The following MYLK4 variants were observed in gnomAD, a reference collection of about 807,000 sequenced individuals.
MYLK4 encodes myosin light chain kinase family member 4, also known as caMLCK like.
A neutral mutation model predicts 48.1 loss-of-function variants in MYLK4; 46 were observed. That is an observed-to-expected ratio of 0.96 (90% CI 0.75 to 1.22). The LOEUF (loss-of-function observed/expected upper bound fraction) is 1.22, where lower values mean the gene tolerates loss of function less well. MYLK4 is among the 50% of genes most tolerant of loss of function. The pLI is 0.00. For missense variants in MYLK4, 451 were observed against 486.1 expected (o/e 0.93, Z 0.68); for synonymous variants, 170 against 180.8 (o/e 0.94, Z 0.48).
rs1371414709 is a variant in MYLK4, at chr6:2,679,382, A to G, written c.785T>C (p.Val262Ala). 2 of 1,614,110 alleles carry G rather than the reference A, an allele frequency of 1.2e-6. No homozygotes were observed. Among genetic ancestry groups the G allele is most frequent in the Admixed American group, 1.7e-5 (1 of 60,022 alleles). Residue 262 changes from valine to alanine, a missense_variant, in exon 9 of 13, where the codon GTG becomes GCG. Coordinates refer to ENST00000274643, the MANE Select transcript of MYLK4 (RefSeq NM_001012418.5). ...GAGAAATTCTGGGGTTCCAAAGTTC[A>G]CCTTCAGCTTCTCTCTGGGTTTGTA... ...RRYKPREKLKVNFGTPEFLAP... is the reference protein window; with the variant it reads ...RRYKPREKLKANFGTPEFLAP...
chr6:2,770,350 C>T, the MYLK4 span: 1 of 1,614,188 alleles, frequency 6.2e-7, no homozygotes, highest in Admixed American at 1.7e-5. Flanking sequence ...ACAGCAGCAA[C>T]AGCAGCTCAG....
chr6:2,767,221 CTT>C, the MYLK4 span, among the ~76,000 whole-genome samples: 17 of 152,038 alleles, frequency 1.1e-4, no homozygotes, highest in African/African-American at 3.6e-4. Flanking sequence ...TGGAAAAACA[CTT>C]GAGAAAAAAA....
chr6:2,750,329 C>G (rs1764251785), intron 1 of MYLK4, among the ~76,000 whole-genome samples: 1 of 152,198 alleles, frequency 6.6e-6, no homozygotes, highest in Non-Finnish European at 1.5e-5. Flanking sequence ...ATTCACTGCT[C>G]TAACAAATTA....
At chr6:2,742,759 C>T (rs11754732) in intron 2 of MYLK4, among the ~76,000 whole-genome samples, 22,585 of 145,762 alleles carry the variant, frequency 0.15, 1,903 homozygotes, top group Middle Eastern at 0.22. Flanking sequence ...AGGAGATATA[C>T]CTAATGCTAA....
chr6:2,707,559 C>T (rs1762537370), intron 2 of MYLK4, among the ~76,000 whole-genome samples: 1 of 152,128 alleles, frequency 6.6e-6, no homozygotes, highest in African/African-American at 2.4e-5. Context: ...ATGAACTTCT[C>T]CTAATAGAGA....
At chr6:2,691,238 G>C (rs979996750) in intron 3 of MYLK4, among the ~76,000 whole-genome samples, 1 of 152,200 alleles carries the variant, frequency 6.6e-6, no homozygotes, top group South Asian at 2.1e-4. Context: ...ATCTGGCAGT[G>C]TTGAAGTTTC....
intron 2 of MYLK4, among the ~76,000 whole-genome samples, chr6:2,743,468 G>A (rs1469614273): frequency 1.3e-5 from 2 of 152,162 alleles, no homozygotes; most frequent in African/African-American, 4.8e-5. Context: ...ATTATCAGGC[G>A]ACAGCTCAAA....
At chr6:2,683,387 C>CTTTTTTT (rs138132269) in intron 6 of MYLK4, among the ~76,000 whole-genome samples, 1 of 86,202 alleles carries the variant, frequency 1.2e-5, no homozygotes, top group Non-Finnish European at 2.6e-5. Context: ...AACTCCCCAC[C>CTTTTTTT]TTTTTGTGTG....
chr6:2,769,249 A>T, the MYLK4 span, among the ~76,000 whole-genome samples: 1 of 152,232 alleles, frequency 6.6e-6, no homozygotes, highest in Non-Finnish European at 1.5e-5. Context: ...TTACTTTAAC[A>T]GTATTTTTAT....
chr6:2,701,646 T>C (rs1762283771), intron 2 of MYLK4, among the ~76,000 whole-genome samples: 1 of 152,148 alleles, frequency 6.6e-6, no homozygotes, highest in Non-Finnish European at 1.5e-5. Flanking sequence ...ACTGCGTAGG[T>C]AAAAAACTAA....
At chr6:2,770,078 G>C in the MYLK4 span, 5 of 1,611,030 alleles carry the variant, frequency 3.1e-6, no homozygotes, top group African/African-American at 5.3e-5. Flanking sequence ...GCAGGTGGCT[G>C]TTGACTGGAA....
chr6:2,697,812 A>G (rs1179961367), intron 2 of MYLK4, among the ~76,000 whole-genome samples: 1 of 152,224 alleles, frequency 6.6e-6, no homozygotes, highest in Non-Finnish European at 1.5e-5. Context: ...CCGCTGGCAT[A>G]CGGACCCTTC....
At chr6:2,757,322 T>C in the MYLK4 span, among the ~76,000 whole-genome samples, 2 of 152,060 alleles carry the variant, frequency 1.3e-5, no homozygotes, top group Non-Finnish European at 2.9e-5. Flanking sequence ...TAAGCACCAG[T>C]TAGTGTATGG....
the MYLK4 span, among the ~76,000 whole-genome samples, chr6:2,763,663 C>A: frequency 6.6e-6 from 1 of 152,264 alleles, no homozygotes; most frequent in Non-Finnish European, 1.5e-5. Context: ...CATACTTCCC[C>A]ACAAGCTGAG....
chr6:2,745,147 C>T (rs114641304), intron 2 of MYLK4, among the ~76,000 whole-genome samples: 2,119 of 152,066 alleles, frequency 0.014, 44 homozygotes, highest in African/African-American at 0.049. Flanking sequence ...CACGCAGGGC[C>T]GAATGGTTGG....
chr6:2,770,044 G>T, the MYLK4 span: 1 of 1,588,100 alleles, frequency 6.3e-7, no homozygotes, highest in Non-Finnish European at 8.6e-7. Flanking sequence ...GGAAGGAAGG[G>T]ATAGCCAACT....
rs575966450 is a variant in MYLK4 at position 2,747,864 on chromosome 6, G to A, written c.159+1272C>T. On this transcript the variant is annotated intron_variant, in intron 2 of 12. Transcript: ENST00000274643. ...TGTTTGTACCACTGAAAACCCTAAT[G>A]AGAAAGTCATGTCTCACTTAATTTT... Among the ~76,000 whole-genome samples, 6 of 152,246 alleles carry A rather than the reference G, an allele frequency of 3.9e-5. No homozygotes were observed. The East Asian group carries it at 1.2e-3, about 29-fold the overall frequency.
At chr6:2,700,228 TG>T (rs1762236463) in intron 2 of MYLK4, among the ~76,000 whole-genome samples, 2 of 152,178 alleles carry the variant, frequency 1.3e-5, no homozygotes, top group Non-Finnish European at 2.9e-5. Context: ...CACCTGTTTT[TG>T]TTATCCAAAC....
rs984274933 is a variant in MYLK4 at position 2,672,880 on chromosome 6, A to AT, written c.1120-1533dup. 1.1e-4 allele frequency among the ~76,000 whole-genome samples: 16 copies of AT among 152,270 alleles called. No homozygotes were observed. Among genetic ancestry groups the AT allele is most frequent in the South Asian group, 2.1e-4 (1 of 4,820 alleles). ...CTCAGCTACAGACACTAATGTGCCC[A>AT]TTTTGTGCGTTGCTATGAGGAGTCA... On this transcript the variant is annotated intron_variant, in intron 11 of 12. Coordinates refer to ENST00000274643, the MANE Select transcript of MYLK4 (RefSeq NM_001012418.5). This position sits in a 1 kb window ranked among gnomAD's most constrained non-coding sequence, Gnocchi z 4.3.
Sources: allele counts gnomAD v4.1 joint callset (sites outside exome capture counted in the v4.1 genomes callset), GRCh38; gene constraint gnomAD v4.1.1; non-coding constraint Gnocchi (gnomAD v3.1); transcripts MANE v1.5; gene names NCBI Gene and HGNC (gene_info 2026-07-23, HGNC 2026-07-21).